PCDHGA2: variants seen among roughly 807,000 people sequenced by gnomAD.
The protein encoded by PCDHGA2 is protocadherin gamma subfamily A, 2.
PCDHGA2 carries 40 observed loss-of-function variants against 59.2 expected under a neutral mutation model. The ratio of observed to expected loss-of-function variants is 0.68; its 90% CI spans 0.52 to 0.88. PCDHGA2 has a LOEUF of 0.88. Ranked by LOEUF, PCDHGA2 falls within the 40% of genes least tolerant of loss-of-function variation. The pLI is 0.00. For synonymous variants in PCDHGA2, 560 were observed against 526.0 expected (o/e 1.06, Z -0.89); for missense variants, 1,226 against 1,204.0 (o/e 1.02, Z -0.27).
chr5:141,409,648 G>A, intron 1 of PCDHGA2: 2 of 1,613,692 alleles, frequency 1.2e-6, no homozygotes, highest in East Asian at 4.5e-5. Context: ...CGGATTTGGG[G>A]CTCAATGGCC....
In PCDHGA2 at chr5:141,485,186, G is replaced by T; in HGVS notation, c.2425-9621G>T. ...GCGGGCGGCAGCAATGCTCCGCAAG[G>T]TGAGAAGCTGGACAGAAATCTGGCG... On this transcript the variant is annotated intron_variant, in intron 1 of 3. Coordinates refer to ENST00000394576, the MANE Select transcript of PCDHGA2 (RefSeq NM_018915.4). This position sits in a 1 kb window ranked among gnomAD's most constrained non-coding sequence, Gnocchi z 5.7. 1 of 1,613,706 alleles carries T rather than the reference G, an allele frequency of 6.2e-7. No individual in the cohort carries two copies. The highest frequency in any genetic ancestry group is 8.5e-7 in the Non-Finnish European group (1 of 1,179,644).
intron 1 of PCDHGA2, among the ~76,000 whole-genome samples, chr5:141,435,698 A>G (rs954167256): frequency 1.3e-5 from 2 of 152,184 alleles, no homozygotes; most frequent in African/African-American, 4.8e-5. Context: ...CTTATTGTAG[A>G]GTGGTTACAG....
chr5:141,414,990 C>A (rs1442265707), intron 1 of PCDHGA2: 5 of 1,613,794 alleles, frequency 3.1e-6, no homozygotes, highest in Admixed American at 1.7e-5. Context: ...CCGGCCAGAA[C>A]GCCTGGCTGT....
At chr5:141,424,772 G>A (rs2096839878) in intron 1 of PCDHGA2, 1 of 152,086 alleles carries the variant, frequency 6.6e-6, no homozygotes, top group Non-Finnish European at 1.5e-5. Flanking sequence ...ATGGCAAATA[G>A]TACATTCAGT....
intron 1 of PCDHGA2, chr5:141,370,945 A>G (rs926355421): frequency 6.2e-7 from 1 of 1,614,020 alleles, no homozygotes; most frequent in Non-Finnish European, 8.5e-7. Context: ...ATTCAGAAGG[A>G]GAACCTGGAT....
intron 1 of PCDHGA2, chr5:141,344,371 A>G: frequency 6.2e-7 from 1 of 1,613,406 alleles, no homozygotes. Flanking sequence ...GTTGAGGATA[A>G]ATTGAAAATT....
chr5:141,489,191 T>C lies in PCDHGA2; in HGVS notation c.2425-5616T>C. On this transcript the variant is annotated intron_variant, in intron 1 of 3. Coordinates refer to ENST00000394576, the MANE Select transcript of PCDHGA2 (RefSeq NM_018915.4). The surrounding 1 kb of genome is among the most constrained non-coding windows in gnomAD (Gnocchi z 4.5). ...CTGCATTCCAAGCCCTGGGTCTACC[T>C]TGGAGACAGGACAGCACAGACTTAC... The C allele has an allele frequency of 7.3e-7, 1 of 1,364,400 alleles. No homozygotes were observed. Among genetic ancestry groups the C allele is most frequent in the Middle Eastern group, 1.9e-4 (1 of 5,334 alleles). The allele number at this position is 1,364,400 out of a possible 1,614,324, so 84.5% of individuals were successfully genotyped here. A position where few individuals can be genotyped will look rare whatever the true frequency, so the allele number is the denominator to read the frequency against.
At chr5:141,421,960 C>G in intron 1 of PCDHGA2, 3 of 1,612,526 alleles carry the variant, frequency 1.9e-6, no homozygotes, top group Non-Finnish European at 2.5e-6. Context: ...AATGTTTACA[C>G]AGTCCGTATA....
At chr5:141,419,674 C>T (rs372932653) in intron 1 of PCDHGA2, 48 of 1,612,820 alleles carry the variant, frequency 3.0e-5, no homozygotes, top group Non-Finnish European at 3.7e-5. Context: ...CCTGGCTGTC[C>T]TACCACGTGG....
intron 1 of PCDHGA2, chr5:141,362,537 C>T (rs1366233043): frequency 6.2e-7 from 1 of 1,613,822 alleles, no homozygotes. Flanking sequence ...GTCCCTTTTG[C>T]CTCAGATACT....
At chr5:141,443,055 C>G (rs994152277) in intron 1 of PCDHGA2, among the ~76,000 whole-genome samples, 1 of 152,208 alleles carries the variant, frequency 6.6e-6, no homozygotes, top group Non-Finnish European at 1.5e-5. Flanking sequence ...TATTGTTCCA[C>G]TGAAGAGCGT....
chr5:141,388,314 G>A (rs752079289), intron 1 of PCDHGA2: 4 of 1,613,824 alleles, frequency 2.5e-6, no homozygotes, highest in South Asian at 1.1e-5. Context: ...GCAAATAAGT[G>A]AGTCTGCACA....
intron 1 of PCDHGA2, among the ~76,000 whole-genome samples, chr5:141,387,440 A>G (rs2090946110): frequency 6.6e-6 from 1 of 152,240 alleles, no homozygotes; most frequent in African/African-American, 2.4e-5. Flanking sequence ...TATGTACTTA[A>G]TCTACATGAT....
chr5:141,340,790 C>G lies in PCDHGA2; in HGVS notation c.1819C>G (p.His607Asp), dbSNP rs1297791838. The G allele has an allele frequency of 6.8e-6, 11 of 1,613,910 alleles. No individual in the cohort carries two copies. The highest frequency in any genetic ancestry group is 9.3e-6 in the Non-Finnish European group (11 of 1,180,022). Residue 607 changes from histidine to aspartate, a missense_variant, in exon 1 of 4, where the codon CAC (histidine) becomes GAC (aspartate). Physicochemically the swap from His to Asp is moderately conservative, Grantham distance 81 (BLOSUM62 -1). Transcript: ENST00000394576. ...DSGQNAWLSY[H>D]LLKASEPGLF... ...GGGCCAGAACGCCTGGCTGTCTTAC[C>G]ACCTGCTCAAGGCCAGCGAGCCGGG... is the stretch of plus-strand genomic sequence containing the variant.
chr5:141,478,382 C>A (rs1287807889), intron 1 of PCDHGA2: 2 of 1,613,552 alleles, frequency 1.2e-6, no homozygotes, highest in South Asian at 2.2e-5. Flanking sequence ...GTCGCCGCAC[C>A]TTTACCATCA....
In PCDHGA2 at chr5:141,476,802, C is replaced by T; in HGVS notation, c.2425-18005C>T. 2 of 1,613,638 alleles carry T rather than the reference C, an allele frequency of 1.2e-6. No homozygotes were observed. The highest frequency in any genetic ancestry group is 1.7e-6 in the Non-Finnish European group (2 of 1,180,020). On this transcript the variant is annotated intron_variant, in intron 1 of 3. Coordinates refer to ENST00000394576, the MANE Select transcript of PCDHGA2 (RefSeq NM_018915.4). The surrounding 1 kb of genome is among the most constrained non-coding windows in gnomAD (Gnocchi z 7.6). ...ACCCCAGCTCTCTCCGCCAGCCTGC[C>T]TATTCACATCAAGGTGCTGGACGCG... is the stretch of plus-strand genomic sequence containing the variant.
In PCDHGA2 at chr5:141,486,092, C is replaced by A; in HGVS notation, c.2425-8715C>A. Reference sequence around the variant, plus strand: ...TACTGGAAAGCTTACTCTTTTGGGGCCCCTAGACTTTGAGAGTGAGAATTA... The same window carrying A: ...TACTGGAAAGCTTACTCTTTTGGGGACCCTAGACTTTGAGAGTGAGAATTA... On this transcript the variant is annotated intron_variant, in intron 1 of 3. Coordinates refer to ENST00000394576, the MANE Select transcript of PCDHGA2 (RefSeq NM_018915.4). The surrounding 1 kb of genome is among the most constrained non-coding windows in gnomAD (Gnocchi z 5.0). 1.9e-6 allele frequency: 3 copies of A among 1,614,148 alleles called. No individual in the cohort carries two copies. Among genetic ancestry groups the A allele is most frequent in the Non-Finnish European group, 2.5e-6 (3 of 1,180,008 alleles).
chr5:141,409,495 T>C (rs777919409), intron 1 of PCDHGA2: 5 of 1,613,862 alleles, frequency 3.1e-6, no homozygotes, highest in Non-Finnish European at 4.2e-6. Context: ...GCAAGCCGCC[T>C]CTTTCTTCCA....
At chr5:141,350,468 G>A (rs756415779) in intron 1 of PCDHGA2, 1 of 1,614,024 alleles carries the variant, frequency 6.2e-7, no homozygotes, top group Non-Finnish European at 8.5e-7. Context: ...TAGTGCAGAG[G>A]ATTATTTCAA....
Sources: gnomAD v4.1 joint callset for allele counts (sites outside exome capture counted in the v4.1 genomes callset) on GRCh38, gnomAD v4.1.1 for gene constraint, Gnocchi (gnomAD v3.1) non-coding constraint, MANE v1.5 for transcripts, NCBI Gene and HGNC (gene_info 2026-07-23, HGNC 2026-07-21) for gene names.